The following EBF1 variants were observed in gnomAD, a reference collection of about 807,000 sequenced individuals.
EBF1 encodes the protein transcription factor COE1.
Under a neutral mutation model 68.4 loss-of-function variants are expected in EBF1, and 10 were observed. The observed-to-expected ratio is 0.15, with a 90% CI of 0.09 to 0.25. The LOEUF is 0.25. Ranked by LOEUF, EBF1 falls within the 10% of genes least tolerant of loss-of-function variation. The pLI, the probability that EBF1 is intolerant of heterozygous loss-of-function variation, is 1.00. For synonymous variants in EBF1, 298 were observed against 299.8 expected (o/e 0.99, Z 0.06); for missense variants, 509 against 794.4 (o/e 0.64, Z 4.32).
At chr5:158,790,861 T>A (rs143927454) in intron 9 of EBF1, among the ~76,000 whole-genome samples, 100 of 152,298 alleles carry the variant, frequency 6.6e-4, no homozygotes, top group African/African-American at 2.3e-3. Flanking sequence ...CCAATTAAAT[T>A]GTTTTGATGA....
intron 15 of EBF1, among the ~76,000 whole-genome samples, chr5:158,705,836 C>A (rs1359261001): frequency 1.3e-5 from 2 of 152,198 alleles, no homozygotes; most frequent in Admixed American, 1.3e-4. Context: ...GAGCCACTGA[C>A]CTTCCAATAG....
At chr5:158,741,317 G>A (rs1224625010) in intron 10 of EBF1, among the ~76,000 whole-genome samples, 1 of 152,140 alleles carries the variant, frequency 6.6e-6, no homozygotes, top group Non-Finnish European at 1.5e-5. Flanking sequence ...GCTCACACCT[G>A]TAATCCTAGC....
At chr5:158,782,902 G>A (rs537963487) in intron 9 of EBF1, among the ~76,000 whole-genome samples, 12 of 151,958 alleles carry the variant, frequency 7.9e-5, no homozygotes, top group African/African-American at 1.9e-4. Flanking sequence ...TTAGTTATCT[G>A]ACTAGCTCGA....
chr5:158,880,325 G>T (rs908854945), intron 6 of EBF1, among the ~76,000 whole-genome samples: 1 of 152,144 alleles, frequency 6.6e-6, no homozygotes, highest in Non-Finnish European at 1.5e-5. Flanking sequence ...TTAGAAAAAT[G>T]GATAAAGATA....
At chr5:159,007,269 T>G (rs1283395990) in intron 6 of EBF1, among the ~76,000 whole-genome samples, 1 of 152,152 alleles carries the variant, frequency 6.6e-6, no homozygotes, top group Non-Finnish European at 1.5e-5. Context: ...GACACAGACT[T>G]CTTTATGGGG....
chr5:158,971,266 T>C (rs1031588658), intron 6 of EBF1, among the ~76,000 whole-genome samples: 2 of 152,164 alleles, frequency 1.3e-5, no homozygotes, highest in Non-Finnish European at 2.9e-5. Context: ...CGAGCGAGCA[T>C]TGATCTGATT....
At chr5:158,806,125 G>A (rs1049059400) in intron 8 of EBF1, among the ~76,000 whole-genome samples, 4 of 152,004 alleles carry the variant, frequency 2.6e-5, no homozygotes, top group African/African-American at 7.2e-5. Flanking sequence ...TGGCAGGCAG[G>A]TTTCAGGAAA....
chr5:158,787,184 C>T (rs529733115), intron 9 of EBF1, among the ~76,000 whole-genome samples: 1 of 152,300 alleles, frequency 6.6e-6, no homozygotes, highest in African/African-American at 2.4e-5. Flanking sequence ...ATATATCCTG[C>T]TGTTTTAAAT....
chr5:158,781,324 G>A (rs1438950476), intron 9 of EBF1, among the ~76,000 whole-genome samples: 1 of 152,026 alleles, frequency 6.6e-6, no homozygotes, highest in Non-Finnish European at 1.5e-5. Flanking sequence ...CCACTTTTCT[G>A]TCAACTTGTT....
intron 15 of EBF1, among the ~76,000 whole-genome samples, chr5:158,706,795 A>G (rs138563026): frequency 7.2e-4 from 109 of 152,284 alleles, no homozygotes; most frequent in Admixed American, 1.5e-3. Flanking sequence ...GTGGTCAGGT[A>G]TTTACCCTCT....
chr5:158,971,428 C>T (rs1204067499), intron 6 of EBF1, among the ~76,000 whole-genome samples: 3 of 152,138 alleles, frequency 2.0e-5, no homozygotes. Flanking sequence ...CAAACATAAA[C>T]GAAATAACTT....
chr5:158,964,966 C>A, intron 6 of EBF1, among the ~76,000 whole-genome samples: 1 of 152,302 alleles, frequency 6.6e-6, no homozygotes. Context: ...ACAGAGATAG[C>A]TTAACATGTG....
At chr5:159,008,869 A>G (rs1248854150) in intron 6 of EBF1, among the ~76,000 whole-genome samples, 1 of 152,104 alleles carries the variant, frequency 6.6e-6, no homozygotes, top group Non-Finnish European at 1.5e-5. Context: ...GTCCTCTATA[A>G]CAAGTAATAT....
intron 6 of EBF1, among the ~76,000 whole-genome samples, chr5:158,907,404 C>T (rs1210982609): frequency 6.6e-6 from 1 of 152,168 alleles, no homozygotes; most frequent in East Asian, 1.9e-4. Context: ...GCCAAAATTA[C>T]ACCCATGGCT....
At chr5:159,032,036 A>G (rs1398125207) in intron 6 of EBF1, among the ~76,000 whole-genome samples, 1 of 152,172 alleles carries the variant, frequency 6.6e-6, no homozygotes, top group East Asian at 1.9e-4. Context: ...ACATTCTTGG[A>G]TGCTCTGGTA....
chr5:158,867,268 T>C (rs1346403616), intron 6 of EBF1, among the ~76,000 whole-genome samples: 1 of 152,018 alleles, frequency 6.6e-6, no homozygotes, highest in Non-Finnish European at 1.5e-5. Flanking sequence ...AAATTGGTGG[T>C]TGTTGGGTGT....
At chr5:159,044,741 G>A (rs1015142757) in intron 6 of EBF1, among the ~76,000 whole-genome samples, 16 of 152,252 alleles carry the variant, frequency 1.1e-4, no homozygotes, top group South Asian at 8.3e-4. Context: ...TCAATTATAC[G>A]TAGTGTTAAC....
chr5:158,896,375 T>A (rs1398229565), intron 6 of EBF1, among the ~76,000 whole-genome samples: 5 of 152,220 alleles, frequency 3.3e-5, no homozygotes, highest in Non-Finnish European at 5.9e-5. Context: ...ATCTCCTTTA[T>A]ACACGTTTCT....
intron 6 of EBF1, among the ~76,000 whole-genome samples, chr5:159,055,297 G>A (rs1160561340): frequency 3.3e-5 from 5 of 152,180 alleles, no homozygotes; most frequent in African/African-American, 7.2e-5. Flanking sequence ...ATTGAGAGAG[G>A]TAACCTTAAA....
Sources: allele counts gnomAD v4.1 joint callset (sites outside exome capture counted in the v4.1 genomes callset), GRCh38; gene constraint gnomAD v4.1.1; transcripts MANE v1.5; gene names NCBI Gene and HGNC (gene_info 2026-07-23, HGNC 2026-07-21).